Variants in CHST8 observed in about 807,000 individuals in gnomAD.
The protein encoded by CHST8 is carbohydrate sulfotransferase 8.
In CHST8, 10 loss-of-function variants were observed where a neutral mutation model predicts 15.0. The ratio of observed to expected loss-of-function variants is 0.67; its 90% CI spans 0.41 to 1.13. CHST8 has a LOEUF of 1.13. Ranked by LOEUF, CHST8 falls within the 50% of genes most tolerant of loss-of-function variation. The pLI, the probability that CHST8 is intolerant of heterozygous loss-of-function variation, is 0.00. For missense variants in CHST8, 634 were observed against 608.2 expected, an observed-to-expected ratio of 1.04 and a Z score of -0.45; for synonymous variants, 259 against 256.6, an observed-to-expected ratio of 1.01 and a Z score of -0.09.
intron 3 of CHST8, among the ~76,000 whole-genome samples, chr19:33,723,906 G>A (rs902457404): frequency 1.3e-5 from 2 of 152,202 alleles, no homozygotes; most frequent in African/African-American, 4.8e-5. Context: ...TTCTGGTGTG[G>A]GTGGTGCCAC....
At chr19:33,769,421 T>G (rs1290362886) in intron 3 of CHST8, among the ~76,000 whole-genome samples, 1 of 152,164 alleles carries the variant, frequency 6.6e-6, no homozygotes, top group Non-Finnish European at 1.5e-5. Flanking sequence ...GAGAGGTGGT[T>G]TAGCAGAGCC....
At chr19:33,648,785 T>C (rs1972390665) in intron 1 of CHST8, among the ~76,000 whole-genome samples, 1 of 150,810 alleles carries the variant, frequency 6.6e-6, no homozygotes, top group Non-Finnish European at 1.5e-5. Flanking sequence ...TTATTAATAA[T>C]CGCCAAAAGG....
intron 3 of CHST8, among the ~76,000 whole-genome samples, chr19:33,700,967 C>G (rs976849225): frequency 2.6e-5 from 4 of 152,132 alleles, no homozygotes; most frequent in African/African-American, 7.2e-5. Flanking sequence ...TAGGCAGGGT[C>G]GGAACATGGA....
At chr19:33,736,525 A>ATT (rs1974086253) in intron 3 of CHST8, among the ~76,000 whole-genome samples, 1 of 152,130 alleles carries the variant, frequency 6.6e-6, no homozygotes, top group Non-Finnish European at 1.5e-5. Context: ...TGTCTGCCCA[A>ATT]GCTCAGACAA....
chr19:33,687,762 G>A (rs1209557753), intron 2 of CHST8, among the ~76,000 whole-genome samples: 1 of 152,244 alleles, frequency 6.6e-6, no homozygotes, highest in Admixed American at 6.5e-5. Context: ...GGAGCAGGGA[G>A]AGTGCCTCTT....
At chr19:33,628,756 G>C (rs1359049530) in intron 1 of CHST8, among the ~76,000 whole-genome samples, 3 of 152,242 alleles carry the variant, frequency 2.0e-5, no homozygotes, top group Non-Finnish European at 4.4e-5. Flanking sequence ...GGTCGAACCA[G>C]TGCATTCTGC....
intron 1 of CHST8, among the ~76,000 whole-genome samples, chr19:33,659,985 T>C (rs1972565774): frequency 6.6e-6 from 1 of 152,138 alleles, no homozygotes. Context: ...TCCTGAAGCT[T>C]TTGGGGACCT....
chr19:33,633,558 T>A (rs927057040), intron 1 of CHST8, among the ~76,000 whole-genome samples: 1 of 138,960 alleles, frequency 7.2e-6, no homozygotes, highest in African/African-American at 2.6e-5. Context: ...TGCTGGCTAA[T>A]TTTTTATTTT....
intron 2 of CHST8, among the ~76,000 whole-genome samples, chr19:33,678,917 G>A (rs574279042): frequency 6.6e-5 from 10 of 152,236 alleles, no homozygotes; most frequent in East Asian, 5.8e-4. Flanking sequence ...TTTCACCTTC[G>A]TTGTCCTTTT....
At chr19:33,648,124 C>A (rs10420103) in intron 1 of CHST8, among the ~76,000 whole-genome samples, 3 of 151,974 alleles carry the variant, frequency 2.0e-5, no homozygotes, top group Admixed American at 6.5e-5. Context: ...GACAATTCTC[C>A]TAGGGTCAAA....
At chr19:33,765,513 TTGTGTGTGTG>T (rs61673440) in intron 3 of CHST8, among the ~76,000 whole-genome samples, 69 of 131,722 alleles carry the variant, frequency 5.2e-4, no homozygotes, top group East Asian at 1.4e-3. Context: ...ATGCCAGTCT[TTGTGTGTGTG>T]TGTGTGTGTG....
intron 3 of CHST8, among the ~76,000 whole-genome samples, chr19:33,699,944 C>T (rs1223643573): frequency 2.0e-5 from 3 of 152,200 alleles, no homozygotes; most frequent in Non-Finnish European, 4.4e-5. Flanking sequence ...CAACAGCTCA[C>T]CCAAAGGAGG....
At chr19:33,652,530 C>G (rs1199314511) in intron 1 of CHST8, among the ~76,000 whole-genome samples, 3 of 151,954 alleles carry the variant, frequency 2.0e-5, no homozygotes, top group African/African-American at 2.4e-5. Flanking sequence ...CGCCCAGCAA[C>G]ACGCCCGGCT....
In CHST8 at chr19:33,772,061, G is replaced by C; in HGVS notation, c.273G>C (p.Ala91=). The C allele has an allele frequency of 3.7e-6, 6 of 1,612,364 alleles. No individual in the cohort carries two copies. Among genetic ancestry groups the C allele is most frequent in the Non-Finnish European group, 5.1e-6 (6 of 1,179,784 alleles). The part of the protein sequence containing the change: ...SGAPRGRNLP[A]PDQPQPPLQR... Reference sequence around the variant, plus strand: ...CCCCGAGGGGCCGCAACCTGCCAGCGCCTGACCAGCCTCAACCCCCGCTGC... The same window carrying C: ...CCCCGAGGGGCCGCAACCTGCCAGCCCCTGACCAGCCTCAACCCCCGCTGC... Residue 91 remains alanine (A), a synonymous_variant, in exon 5 of 5, where the codon GCG becomes GCC. Transcript: ENST00000650847.
chr19:33,681,044 T>G (rs751142523), intron 2 of CHST8, among the ~76,000 whole-genome samples: 4 of 152,192 alleles, frequency 2.6e-5, no homozygotes, highest in Non-Finnish European at 4.4e-5. Context: ...ATTGATACGG[T>G]CGAGATAGAG....
Position 33,630,000 on chromosome 19 carries a change from G to A in CHST8, c.-164+7704G>A, listed in dbSNP as rs377641363. Among the ~76,000 whole-genome samples, 31 of 152,356 alleles carry A rather than the reference G, an allele frequency of 2.0e-4. 2 individuals are homozygous for A. Among genetic ancestry groups the A allele is most frequent in the East Asian group, 1.5e-3 (8 of 5,186 alleles). ...CCCCTCTGCCAGCAGCCCCTAGCCC[G>A]GGCACAGACTGACTCGCACTTGGCA... On this transcript the variant is annotated intron_variant, in intron 1 of 4. Transcript: ENST00000650847.
intron 1 of CHST8, among the ~76,000 whole-genome samples, chr19:33,626,867 C>T (rs1200835019): frequency 6.7e-6 from 1 of 150,250 alleles, no homozygotes; most frequent in Non-Finnish European, 1.5e-5. Context: ...TAACTCACTG[C>T]AGCCTTGAAC....
chr19:33,771,396 C>T lies in CHST8; in HGVS notation c.131-17C>T, dbSNP rs1393701698. On this transcript the variant is annotated splice_polypyrimidine_tract_variant and intron_variant, in intron 3 of 4. Transcript: ENST00000650847. ...GCAGATCCGCTAATACTGTCCTCTC[C>T]TCTGTTTGCTTTTCAGGAATAAAGT... The T allele has an allele frequency of 2.5e-6, 4 of 1,613,876 alleles. No individual in the cohort carries two copies. Among genetic ancestry groups the T allele is most frequent in the South Asian group, 1.1e-5 (1 of 91,080 alleles).
intron 2 of CHST8, among the ~76,000 whole-genome samples, chr19:33,672,385 A>G (rs767991526): frequency 1.3e-5 from 2 of 151,996 alleles, no homozygotes; most frequent in Non-Finnish European, 2.9e-5. Context: ...TTTTGTAGAG[A>G]TGGGGTATCA....
Sources: gnomAD v4.1 joint callset for allele counts (sites outside exome capture counted in the v4.1 genomes callset) on GRCh38, gnomAD v4.1.1 for gene constraint, MANE v1.5 for transcripts, NCBI Gene and HGNC (gene_info 2026-07-23, HGNC 2026-07-21) for gene names.